RELN: variants seen among roughly 807,000 people sequenced by gnomAD.
RELN encodes reelin.
In RELN, 108 loss-of-function variants were observed where a neutral mutation model predicts 427.6. The ratio of observed to expected loss-of-function variants is 0.25; its 90% CI spans 0.22 to 0.30. RELN has a LOEUF of 0.30. Among genes scored for constraint, RELN ranks in the 10% least tolerant of loss-of-function variants. RELN has a pLI of 1.00. For missense variants in RELN, 3,715 were observed against 4,302.8 expected (o/e 0.86, Z 3.82); for synonymous variants, 1,524 against 1,513.4 (o/e 1.01, Z -0.16).
intron 2 of RELN, among the ~76,000 whole-genome samples, chr7:103,895,961 A>G (rs958834479): frequency 1.3e-5 from 2 of 152,126 alleles, no homozygotes; most frequent in Non-Finnish European, 2.9e-5. Flanking sequence ...GGACTGATAC[A>G]CAGGATATAT....
intron 8 of RELN, 66 bp from the exon 9 acceptor site, chr7:103,701,072 GATAA>G (rs1182493723): frequency 2.2e-6 from 2 of 916,594 alleles, no homozygotes; most frequent in Non-Finnish European, 3.6e-6. Flanking sequence ...TATCTTTTCT[GATAA>G]ATATTTTAGA....
chr7:103,578,791 T>C (rs1414900383), intron 28 of RELN, among the ~76,000 whole-genome samples: 1 of 152,210 alleles, frequency 6.6e-6, no homozygotes, highest in Non-Finnish European at 1.5e-5. Flanking sequence ...ATTCTATACT[T>C]TTAGAGTAGA....
chr7:103,567,411 T>C (rs756788103), intron 31 of RELN, among the ~76,000 whole-genome samples: 1 of 152,220 alleles, frequency 6.6e-6, no homozygotes, highest in Non-Finnish European at 1.5e-5. Flanking sequence ...GGTGACATGA[T>C]CCAGGGGACT....
At chr7:103,741,957 C>T (rs539384605) in intron 6 of RELN, among the ~76,000 whole-genome samples, 1 of 152,250 alleles carries the variant, frequency 6.6e-6, no homozygotes, top group South Asian at 2.1e-4. Flanking sequence ...TGAGAACGGG[C>T]AGACTGACTC....
chr7:103,504,015 C>T (rs2711836), intron 51 of RELN, among the ~76,000 whole-genome samples: 8,549 of 151,860 alleles, frequency 0.056, 482 homozygotes, highest in African/African-American at 0.15. Flanking sequence ...ACCAGCCTGA[C>T]CAACATGGTG....
intron 34 of RELN, among the ~76,000 whole-genome samples, chr7:103,562,264 T>C (rs1235044629): frequency 6.6e-6 from 1 of 152,230 alleles, no homozygotes; most frequent in Non-Finnish European, 1.5e-5. Context: ...TTGAAATACA[T>C]GCAGAATTTC....
chr7:103,698,402 G>A (rs1834022960), intron 9 of RELN, among the ~76,000 whole-genome samples: 1 of 152,138 alleles, frequency 6.6e-6, no homozygotes. Context: ...ACACTGCTAT[G>A]GCTTGTGTAA....
intron 63 of RELN, 124 bp downstream of exon 63, chr7:103,482,749 C>A: frequency 1.9e-6 from 3 of 1,551,766 alleles, no homozygotes; most frequent in Non-Finnish European, 1.7e-6. Context: ...AGAGTGTAAG[C>A]CAAAGTGCTC....
At chr7:103,736,956 G>A (rs1431424893) in intron 6 of RELN, among the ~76,000 whole-genome samples, 6 of 152,098 alleles carry the variant, frequency 3.9e-5, no homozygotes, top group African/African-American at 1.4e-4. Flanking sequence ...TCAGAGAAGA[G>A]TTTTGTAATA....
chr7:103,633,851 TC>T (rs1832521784), intron 19 of RELN, among the ~76,000 whole-genome samples: 2 of 152,140 alleles, frequency 1.3e-5, no homozygotes, highest in Admixed American at 6.5e-5. Flanking sequence ...TGTTTAATTT[TC>T]TTTTAATGGT....
intron 44 of RELN, among the ~76,000 whole-genome samples, chr7:103,539,714 C>T (rs1007378292): frequency 5.3e-5 from 8 of 152,164 alleles, no homozygotes; most frequent in South Asian, 2.1e-4. Context: ...ATGAACTCTA[C>T]GGTTTGTTAA....
rs1412582579 is a variant in RELN at position 103,539,245 on chromosome 7, T to A, written c.7013A>T (p.His2338Leu). 2 of 1,614,122 alleles carry A rather than the reference T, an allele frequency of 1.2e-6. No individual in the cohort carries two copies. The highest frequency in any genetic ancestry group is 2.7e-5 in the African/African-American group (2 of 74,944). ...CACGGGCATCTTGGTGCCTCCTGGG[T>A]GAAGCAGCCATTTCCTACTATCAAG... ...TTLDSRKWLL[H>L]PGGTKMPVCG... The change falls in exon 45 of 65, where the codon CAC (histidine) becomes CTC (leucine). Residue 2338 changes from histidine (H) to leucine (L), a missense_variant. His to Leu is a moderately conservative substitution (Grantham distance 99). Around this residue, in one of 4 missense-constraint regions of RELN, gnomAD observed 1,310 missense variants for 1,643.0 expected, o/e 0.80. Coordinates refer to ENST00000428762, the MANE Select transcript of RELN (RefSeq NM_005045.4).
At chr7:103,931,590 A>C (rs1795867057) in intron 1 of RELN, among the ~76,000 whole-genome samples, 2 of 152,226 alleles carry the variant, frequency 1.3e-5, no homozygotes, top group African/African-American at 2.4e-5. Context: ...ATGCCCTGCT[A>C]TTAGAATATG....
At position 103,651,757 on chromosome 7, in the gene RELN, C is replaced by T. The variant is rs201371180; in HGVS notation, c.1796G>A (p.Arg599His). ...TTCAGTGTGAAGGAGGGACCAGGAGCGCCCATGGTTGGTAGAAAATTCCAA... is the reference window on the plus strand; with the variant it reads ...TTCAGTGTGAAGGAGGGACCAGGAGTGCCCATGGTTGGTAGAAAATTCCAA... ...VSLEFSTNHG[R>H]SWSLLHTECL... Residue 599 changes from arginine (R) to histidine (H), a missense_variant, in exon 15 of 65, where the codon CGC (arginine) becomes CAC (histidine). Arg to His is a conservative substitution (Grantham distance 29). Transcript: ENST00000428762. 75 of 1,611,660 alleles carry T rather than the reference C, an allele frequency of 4.7e-5. No homozygotes were observed. Among genetic ancestry groups the T allele is most frequent in the Non-Finnish European group, 5.7e-5 (67 of 1,178,552 alleles).
intron 3 of RELN, among the ~76,000 whole-genome samples, chr7:103,810,427 T>G (rs963789998): frequency 1.3e-5 from 2 of 152,184 alleles, no homozygotes; most frequent in African/African-American, 4.8e-5. Context: ...AAGTTAGGTC[T>G]AATCAACTGG....
intron 6 of RELN, among the ~76,000 whole-genome samples, chr7:103,741,765 C>T (rs505389): frequency 0.22 from 33,188 of 151,922 alleles, 4,783 homozygotes; most frequent in African/African-American, 0.41. Context: ...GACCTCTTCA[C>T]ACTGCAACTG....
chr7:103,760,896 A>ACTTT (rs1791282025), intron 4 of RELN, among the ~76,000 whole-genome samples: 2 of 97,418 alleles, frequency 2.1e-5, no homozygotes, highest in African/African-American at 7.6e-5. Flanking sequence ...CCCCAGGAAT[A>ACTTT]ATTTATTACT....
At chr7:103,862,671 T>TA (rs933189365) in intron 2 of RELN, among the ~76,000 whole-genome samples, 4 of 152,026 alleles carry the variant, frequency 2.6e-5, no homozygotes, top group South Asian at 2.1e-4. Context: ...TCTACTGAAA[T>TA]AAAAAAATTT....
At chr7:103,510,620 T>TA (rs1476767046) in intron 51 of RELN, among the ~76,000 whole-genome samples, 3 of 152,048 alleles carry the variant, frequency 2.0e-5, no homozygotes, top group South Asian at 2.1e-4. Flanking sequence ...TCCCAAAACT[T>TA]AAAGTATAAT....
Sources: allele counts gnomAD v4.1 joint callset (sites outside exome capture counted in the v4.1 genomes callset), GRCh38; gene constraint gnomAD v4.1.1; regional missense constraint gnomAD v4.1.1; transcripts MANE v1.5; gene names NCBI Gene and HGNC (gene_info 2026-07-23, HGNC 2026-07-21).